The following NFIA variants were observed in gnomAD, a reference collection of about 807,000 sequenced individuals.
NFIA encodes nuclear factor I A, also known as nuclear factor 1 A-type.
NFIA carries 8 observed loss-of-function variants against 62.8 expected under a neutral mutation model. The ratio of observed to expected loss-of-function variants is 0.13; its 90% CI spans 0.07 to 0.23. The LOEUF (loss-of-function observed/expected upper bound fraction) is 0.23, where lower values mean the gene tolerates loss of function less well. NFIA is among the 10% of genes least tolerant of loss of function. The pLI is 1.00. For missense variants in NFIA, 410 were observed against 642.1 expected (o/e 0.64, Z 3.91); for synonymous variants, 235 against 238.1 (o/e 0.99, Z 0.12).
chr1:61,358,226 C>T (rs1663066594), intron 5 of NFIA, among the ~76,000 whole-genome samples: 1 of 151,714 alleles, frequency 6.6e-6, no homozygotes. Flanking sequence ...TTGTTTTGTT[C>T]ACTGATTTAT....
chr1:61,411,572 T>C (rs1666103457), intron 9 of NFIA, among the ~76,000 whole-genome samples: 1 of 152,062 alleles, frequency 6.6e-6, no homozygotes, highest in African/African-American at 2.4e-5. Context: ...CCAAGCACTC[T>C]TCTTGGTGCT....
chr1:61,192,020 T>C (rs779128116), intron 2 of NFIA, among the ~76,000 whole-genome samples: 18 of 152,030 alleles, frequency 1.2e-4, no homozygotes, highest in Admixed American at 1.3e-4. Flanking sequence ...ATTGCAGTGG[T>C]GCAGTCTCAG....
At chr1:61,161,099 G>A (rs1318833129) in intron 2 of NFIA, among the ~76,000 whole-genome samples, 1 of 152,154 alleles carries the variant, frequency 6.6e-6, no homozygotes, top group East Asian at 1.9e-4. Context: ...ATTTTTAGTA[G>A]CGATGGGATT....
intron 7 of NFIA, among the ~76,000 whole-genome samples, chr1:61,398,382 G>A (rs1665388616): frequency 1.3e-5 from 2 of 152,082 alleles, no homozygotes; most frequent in Admixed American, 6.5e-5. Context: ...TTTCTTGTGT[G>A]GGTCTTTCTT....
chr1:61,267,995 G>A (rs1287463344), intron 2 of NFIA, among the ~76,000 whole-genome samples: 5 of 152,152 alleles, frequency 3.3e-5, no homozygotes, highest in Non-Finnish European at 7.3e-5. Context: ...AGAGGAGAAT[G>A]ATCCAGTATC....
chr1:61,112,694 T>TA (rs1330927720), intron 2 of NFIA, among the ~76,000 whole-genome samples: 2 of 152,220 alleles, frequency 1.3e-5, no homozygotes, highest in Non-Finnish European at 2.9e-5. Flanking sequence ...GAGGGTGATT[T>TA]AATAAACTAT....
At chr1:61,275,164 C>T (rs541392837) in intron 2 of NFIA, among the ~76,000 whole-genome samples, 12 of 152,278 alleles carry the variant, frequency 7.9e-5, no homozygotes, top group African/African-American at 1.4e-4. Context: ...CACGAGAATG[C>T]GGCGGCCCCT....
intron 3 of NFIA, among the ~76,000 whole-genome samples, chr1:61,294,901 TC>T (rs917709817): frequency 2.0e-5 from 3 of 152,220 alleles, no homozygotes; most frequent in African/African-American, 7.2e-5. Context: ...ATCTCGATAT[TC>T]AGTACTCGAT....
chr1:61,312,490 T>A (rs778876009), intron 3 of NFIA, among the ~76,000 whole-genome samples: 8 of 152,006 alleles, frequency 5.3e-5, no homozygotes, highest in Non-Finnish European at 2.9e-5. Flanking sequence ...ATGTTGTGAC[T>A]TGGAAAAAAA....
intron 2 of NFIA, among the ~76,000 whole-genome samples, chr1:61,156,843 G>C (rs1281563224): frequency 6.6e-6 from 1 of 152,202 alleles, no homozygotes; most frequent in Non-Finnish European, 1.5e-5. Flanking sequence ...CTCTTTAATT[G>C]ACAAGTGTCA....
intron 2 of NFIA, among the ~76,000 whole-genome samples, chr1:61,140,085 C>G (rs530042465): frequency 6.4e-4 from 98 of 152,170 alleles, no homozygotes; most frequent in Middle Eastern, 3.4e-3. Context: ...CCACTCACCC[C>G]CTAAACTCTA....
intron 3 of NFIA, among the ~76,000 whole-genome samples, chr1:61,307,879 C>A (rs1358863971): frequency 2.0e-5 from 3 of 152,174 alleles, no homozygotes; most frequent in Non-Finnish European, 1.5e-5. Context: ...AAAATACAGG[C>A]TGTCTTGTCT....
intron 2 of NFIA, among the ~76,000 whole-genome samples, chr1:61,255,688 T>C (rs1347430089): frequency 1.3e-5 from 2 of 152,214 alleles, no homozygotes; most frequent in African/African-American, 4.8e-5. Flanking sequence ...GGGTTTGGTT[T>C]TGGTGGGAAG....
At chr1:61,361,547 T>G (rs914749247) in intron 6 of NFIA, among the ~76,000 whole-genome samples, 3 of 152,140 alleles carry the variant, frequency 2.0e-5, no homozygotes, top group African/African-American at 7.2e-5. Flanking sequence ...AGCTCCCCCA[T>G]CATGAGGCTG....
intron 3 of NFIA, among the ~76,000 whole-genome samples, chr1:61,280,367 T>G (rs1041326540): frequency 3.9e-5 from 6 of 152,250 alleles, no homozygotes; most frequent in Non-Finnish European, 8.8e-5. Flanking sequence ...TAAGAAATTT[T>G]GGAATCTTGC....
At chr1:61,344,352 G>C (rs993977581) in intron 4 of NFIA, among the ~76,000 whole-genome samples, 12 of 152,176 alleles carry the variant, frequency 7.9e-5, no homozygotes, top group African/African-American at 2.9e-4. Flanking sequence ...ATTGTGCTGG[G>C]TCCATAGAAC....
At chr1:61,178,730 A>G (rs1207878508) in intron 2 of NFIA, among the ~76,000 whole-genome samples, 2 of 152,220 alleles carry the variant, frequency 1.3e-5, no homozygotes, top group Non-Finnish European at 2.9e-5. Flanking sequence ...GTGGACCCCG[A>G]AGCCAGGCTT....
intron 3 of NFIA, among the ~76,000 whole-genome samples, chr1:61,280,559 A>G (rs1658071313): frequency 6.6e-6 from 1 of 152,232 alleles, no homozygotes; most frequent in Non-Finnish European, 1.5e-5. Context: ...TAAACCATGG[A>G]GAATGAATAG....
intron 2 of NFIA, among the ~76,000 whole-genome samples, chr1:61,206,590 G>A (rs332825): frequency 0.68 from 103,990 of 152,078 alleles, 37,413 homozygotes; most frequent in African/African-American, 0.92. Flanking sequence ...ATTCTTGTCA[G>A]TGCGACCTCA....
Sources: gnomAD v4.1 joint callset for allele counts (sites outside exome capture counted in the v4.1 genomes callset) on GRCh38, gnomAD v4.1.1 for gene constraint, MANE v1.5 for transcripts, NCBI Gene and HGNC (gene_info 2026-07-23, HGNC 2026-07-21) for gene names.